TMEM233: variants seen among roughly 807,000 people sequenced by gnomAD.
The protein encoded by TMEM233 is transmembrane protein 233.
TMEM233 carries 6 observed loss-of-function variants against 11.2 expected under a neutral mutation model. The observed-to-expected ratio is 0.54, with a 90% CI of 0.29 to 1.06. The LOEUF (loss-of-function observed/expected upper bound fraction) is 1.06, where lower values mean the gene tolerates loss of function less well. Ranked by LOEUF, TMEM233 falls within the 50% of genes least tolerant of loss-of-function variation. The pLI, the probability that TMEM233 is intolerant of heterozygous loss-of-function variation, is 0.08. For synonymous variants in TMEM233, 59 were observed against 55.8 expected (o/e 1.06, Z -0.26); for missense variants, 127 against 144.7 (o/e 0.88, Z 0.63).
intron 1 of TMEM233, among the ~76,000 whole-genome samples, chr12:119,615,479 C>T (rs563540346): frequency 1.4e-4 from 22 of 152,184 alleles, no homozygotes; most frequent in African/African-American, 5.1e-4. Flanking sequence ...GTCCCACCCC[C>T]AGAGAGCCTG....
intron 2 of TMEM233, among the ~76,000 whole-genome samples, chr12:119,640,243 C>T (rs998791947): frequency 9.2e-5 from 14 of 152,218 alleles, no homozygotes; most frequent in African/African-American, 3.4e-4. Flanking sequence ...CAAGCTCCGC[C>T]TCCCGGGTTC....
intron 1 of TMEM233, among the ~76,000 whole-genome samples, chr12:119,614,411 C>CGAGAGAGAGAGAGAGA (rs57846015): frequency 1.4e-5 from 2 of 143,548 alleles, no homozygotes; most frequent in African/African-American, 5.1e-5. Context: ...TCCATCTCAA[C>CGAGAGAGAGAGAGAGA]GAGAGAGAGA....
chr12:119,648,587 T>C, the TMEM233 span, among the ~76,000 whole-genome samples: 3 of 152,200 alleles, frequency 2.0e-5, no homozygotes, highest in Non-Finnish European at 4.4e-5. Flanking sequence ...ATCACAATGG[T>C]AGTTAGATGC....
downstream of TMEM233, among the ~76,000 whole-genome samples, chr12:119,644,071 GA>G (rs1371223162): frequency 1.3e-5 from 2 of 152,104 alleles, no homozygotes; most frequent in African/African-American, 2.4e-5. Flanking sequence ...CTCCAGGGGG[GA>G]AAAATGGTTC....
downstream of TMEM233, among the ~76,000 whole-genome samples, chr12:119,643,768 A>C (rs2136816191): frequency 7.5e-6 from 1 of 134,000 alleles, no homozygotes; most frequent in Non-Finnish European, 1.5e-5. Context: ...ATTCCGTATC[A>C]AAAAAAAAAA....
downstream of TMEM233, among the ~76,000 whole-genome samples, chr12:119,644,541 G>A (rs1169140911): frequency 7.6e-5 from 11 of 144,586 alleles, no homozygotes; most frequent in Admixed American, 2.2e-4. Context: ...GCAATGGCAC[G>A]ATCTCTGCTC....
chr12:119,625,249 A>G (rs1479606227), intron 1 of TMEM233, among the ~76,000 whole-genome samples: 2 of 152,146 alleles, frequency 1.3e-5, no homozygotes, highest in African/African-American at 4.8e-5. Context: ...CCCCCTTAAT[A>G]GTCCAGGAAG....
intron 1 of TMEM233, among the ~76,000 whole-genome samples, chr12:119,605,238 A>G (rs1038402264): frequency 6.6e-6 from 1 of 151,952 alleles, no homozygotes; most frequent in Non-Finnish European, 1.5e-5. Flanking sequence ...TCATATTGAC[A>G]CAATTTCACT....
chr12:119,632,402 A>G (rs1954902434), intron 2 of TMEM233, among the ~76,000 whole-genome samples: 1 of 152,280 alleles, frequency 6.6e-6, no homozygotes, highest in South Asian at 2.1e-4. Context: ...CTAAGTCAAT[A>G]TGTTCCTGCT....
intron 1 of TMEM233, among the ~76,000 whole-genome samples, chr12:119,628,113 G>T (rs571095217): frequency 4.3e-4 from 65 of 152,126 alleles, no homozygotes; most frequent in Non-Finnish European, 7.2e-4. Flanking sequence ...ACTCAACCAG[G>T]GCTCTAATGC....
At chr12:119,650,830 A>G in the TMEM233 span, among the ~76,000 whole-genome samples, 1 of 152,156 alleles carries the variant, frequency 6.6e-6, no homozygotes, top group African/African-American at 2.4e-5. Flanking sequence ...TTTAGTAGCC[A>G]TCGGGTTTTG....
At position 119,642,654 on chromosome 12, in the gene TMEM233, G is replaced by A. The variant is rs1329764759; in HGVS notation, c.*1949G>A. The A allele has an allele frequency of 6.6e-6, 1 of 152,118 alleles. No homozygotes were observed. The highest frequency in any genetic ancestry group is 6.5e-5 in the Admixed American group (1 of 15,270). The allele number at this position is 152,118 out of a possible 1,614,324, so 9.4% of individuals were successfully genotyped here. ...CCTAAAATTCCTTCACCTGCAAAAT[G>A]GGGATAAGAATGCCTGCCTACTTAC... On this transcript the variant is annotated 3_prime_UTR_variant, in exon 3 of 3. Coordinates refer to ENST00000426426, the MANE Select transcript of TMEM233 (RefSeq NM_001136534.3).
Position 119,626,484 on chromosome 12 carries a change from A to AGAAG in TMEM233, c.187-3252_187-3251insGAAG, listed in dbSNP as rs1555266821. ...GACTCCGTCTCCGGAAAAAAAAAAA[A>AGAAG]AAGAAGAAAAAGGAGGAGGAGGAGG... On this transcript the variant is annotated intron_variant, in intron 1 of 2. Transcript: ENST00000426426. Among the ~76,000 whole-genome samples, 118 of 112,574 alleles carry AGAAG rather than the reference A, an allele frequency of 1.0e-3. 15 individuals are homozygous for AGAAG. The South Asian group carries it at 0.019, about 18-fold the overall frequency. 73.9% of individuals were successfully genotyped at this position (112,574 alleles called of 152,430 possible). A position where few individuals can be genotyped will look rare whatever the true frequency, so the allele number is the denominator to read the frequency against.
At chr12:119,596,200 T>G (rs561422237) in intron 1 of TMEM233, among the ~76,000 whole-genome samples, 2 of 152,174 alleles carry the variant, frequency 1.3e-5, no homozygotes, top group African/African-American at 2.4e-5. Context: ...CAGCAGACTG[T>G]CTGGCTGGCA....
chr12:119,622,717 A>C (rs182267597), intron 1 of TMEM233, among the ~76,000 whole-genome samples: 1 of 152,182 alleles, frequency 6.6e-6, no homozygotes, highest in Admixed American at 6.5e-5. Context: ...CAGAGCTGGA[A>C]TCTCTCACTC....
At chr12:119,622,649 T>G (rs1954665472) in intron 1 of TMEM233, among the ~76,000 whole-genome samples, 1 of 152,146 alleles carries the variant, frequency 6.6e-6, no homozygotes, top group Non-Finnish European at 1.5e-5. Context: ...TCACTGTTAG[T>G]TCTCTACCCT....
intron 1 of TMEM233, among the ~76,000 whole-genome samples, chr12:119,613,943 T>C (rs1954466040): frequency 6.6e-6 from 1 of 151,104 alleles, no homozygotes. Context: ...GGAGATGACC[T>C]GGACACAGAC....
intron 1 of TMEM233, among the ~76,000 whole-genome samples, chr12:119,616,180 T>C (rs527902304): frequency 6.6e-6 from 1 of 152,328 alleles, no homozygotes; most frequent in East Asian, 1.9e-4. Flanking sequence ...ACCTGAACAC[T>C]GTTATTCCGT....
chr12:119,633,123 T>G (rs546940885), intron 2 of TMEM233, among the ~76,000 whole-genome samples: 2 of 152,332 alleles, frequency 1.3e-5, no homozygotes, highest in East Asian at 3.9e-4. Context: ...GCCTATGATT[T>G]AATACCAGCT....
Sources: allele counts gnomAD v4.1 joint callset (sites outside exome capture counted in the v4.1 genomes callset), GRCh38; gene constraint gnomAD v4.1.1; transcripts MANE v1.5; gene names NCBI Gene and HGNC (gene_info 2026-07-23, HGNC 2026-07-21).